SYN3: variants seen among roughly 807,000 people sequenced by gnomAD.
The protein encoded by SYN3 is synapsin III.
A neutral mutation model predicts 65.8 loss-of-function variants in SYN3; 35 were observed. That is an observed-to-expected ratio of 0.53 (90% CI 0.41 to 0.70). The LOEUF is 0.70. Ranked by LOEUF, SYN3 falls within the 30% of genes least tolerant of loss-of-function variation. The probability of loss-of-function intolerance (pLI) is 0.00; values close to 1 mark genes in which losing one functional copy is unlikely to be tolerated. For synonymous variants in SYN3, 270 were observed against 292.9 expected (o/e 0.92, Z 0.80); for missense variants, 680 against 749.0 (o/e 0.91, Z 1.08).
intron 6 of SYN3, among the ~76,000 whole-genome samples, chr22:32,669,919 G>A (rs2147057332): frequency 6.6e-6 from 1 of 152,274 alleles, no homozygotes; most frequent in Non-Finnish European, 1.5e-5. Flanking sequence ...GGCAGGTATA[G>A]CAATACCTGT....
intron 3 of SYN3, among the ~76,000 whole-genome samples, chr22:32,956,163 T>C (rs888947120): frequency 1.5e-5 from 2 of 133,046 alleles, no homozygotes; most frequent in African/African-American, 5.7e-5. Flanking sequence ...ACTAACTTTT[T>C]TTTTTTTTTT....
At position 33,006,821 on chromosome 22, in the gene SYN3, C is replaced by T; in HGVS notation, c.-159G>A. 1.6e-6 allele frequency: 1 copy of T among 621,518 alleles called. No homozygotes were observed. The highest frequency in any genetic ancestry group is 2.7e-6 in the Non-Finnish European group (1 of 372,468). 38.5% of individuals were successfully genotyped at this position (621,518 alleles called of 1,614,324 possible). ...AGTCAGCTTTAGCTGCCTTTATTTA[C>T]CTGCTGGAAATAAGCCAACAAATAC... On this transcript the variant is annotated 5_prime_UTR_variant, in exon 2 of 14. Transcript: ENST00000358763.
intron 6 of SYN3, among the ~76,000 whole-genome samples, chr22:32,782,550 T>C (rs978515107): frequency 2.0e-4 from 28 of 142,586 alleles, no homozygotes; most frequent in African/African-American, 7.3e-4. Flanking sequence ...CAGAGTCTCG[T>C]ACTGTCTCCT....
chr22:32,928,278 C>T (rs2050531988), intron 4 of SYN3, among the ~76,000 whole-genome samples: 1 of 151,826 alleles, frequency 6.6e-6, no homozygotes, highest in South Asian at 2.1e-4. Context: ...TGCAGTGAAC[C>T]GAGATCGCAC....
At chr22:32,556,050 CT>C (rs529953579) in intron 7 of SYN3, among the ~76,000 whole-genome samples, 35 of 152,298 alleles carry the variant, frequency 2.3e-4, no homozygotes, top group African/African-American at 8.2e-4. Context: ...TGCAAAAACC[CT>C]AAAGCAGAGG....
chr22:32,857,452 C>A, intron 6 of SYN3: 2 of 946,792 alleles, frequency 2.1e-6, no homozygotes, highest in Non-Finnish European at 1.7e-6. Flanking sequence ...GTTGACTCAC[C>A]AAATGTCCAG....
At chr22:32,797,694 G>A (rs746508387) in intron 6 of SYN3, among the ~76,000 whole-genome samples, 3 of 152,154 alleles carry the variant, frequency 2.0e-5, no homozygotes, top group Non-Finnish European at 4.4e-5. Context: ...TGATTCTTGG[G>A]GGAGGTAGCA....
chr22:32,544,345 A>T (rs111856995), intron 7 of SYN3, among the ~76,000 whole-genome samples: 1 of 152,176 alleles, frequency 6.6e-6, no homozygotes, highest in Admixed American at 6.5e-5. Context: ...GTGATCAAGG[A>T]TCCACCATTC....
At chr22:32,919,812 G>A (rs1217692773) in intron 4 of SYN3, among the ~76,000 whole-genome samples, 2 of 152,194 alleles carry the variant, frequency 1.3e-5, no homozygotes, top group Non-Finnish European at 1.5e-5. Context: ...GGGCTGATAC[G>A]CTGGGAGGAT....
At chr22:32,808,528 G>A (rs2046826879) in intron 6 of SYN3, among the ~76,000 whole-genome samples, 1 of 152,160 alleles carries the variant, frequency 6.6e-6, no homozygotes, top group Non-Finnish European at 1.5e-5. Flanking sequence ...TGGACTCTTA[G>A]GATAAAGTAT....
At chr22:32,779,467 A>T (rs1240711671) in intron 6 of SYN3, among the ~76,000 whole-genome samples, 1 of 151,098 alleles carries the variant, frequency 6.6e-6, no homozygotes, top group East Asian at 1.9e-4. Flanking sequence ...CTCGAAAAAC[A>T]AAAACAAACA....
At chr22:32,666,105 C>G (rs1224710964) in intron 6 of SYN3, among the ~76,000 whole-genome samples, 1 of 152,146 alleles carries the variant, frequency 6.6e-6, no homozygotes, top group African/African-American at 2.4e-5. Flanking sequence ...AATCCTAAAG[C>G]CTCTACCTTC....
rs753529410 is a variant in SYN3 at position 32,931,465 on chromosome 22, A to C, written c.386T>G (p.Leu129Trp). 1 of 1,613,822 alleles carries C rather than the reference A, an allele frequency of 6.2e-7. No individual in the cohort carries two copies. The highest frequency in any genetic ancestry group is 8.5e-7 in the Non-Finnish European group (1 of 1,179,686). ...CCCGGTCACATAGGCAGCTAGGTTC[A>C]ACTCTGAGAATTCAGCCTGAAGAAT... ...IRVEQAEFSE[L>W]NLAAYVTGGC... The change falls in exon 4 of 14, where the codon TTG (leucine) becomes TGG (tryptophan). Residue 129 changes from leucine to tryptophan, a missense_variant. Physicochemically the swap from Leu to Trp is moderately conservative, Grantham distance 61 (BLOSUM62 -2). Coordinates refer to ENST00000358763, the MANE Select transcript of SYN3 (RefSeq NM_003490.4).
intron 6 of SYN3, among the ~76,000 whole-genome samples, chr22:32,832,556 CA>C (rs2047606393): frequency 8.5e-6 from 1 of 117,522 alleles, no homozygotes; most frequent in Non-Finnish European, 1.8e-5. Context: ...TTTTTTTTTT[CA>C]AAAAAATTAT....
chr22:32,582,023 C>T (rs1166544162), intron 7 of SYN3, among the ~76,000 whole-genome samples: 1 of 152,048 alleles, frequency 6.6e-6, no homozygotes, highest in Non-Finnish European at 1.5e-5. Context: ...TGGTCTTGAA[C>T]TCCTGACCTT....
At chr22:32,999,076 G>A (rs2052981772) in intron 2 of SYN3, among the ~76,000 whole-genome samples, 1 of 152,170 alleles carries the variant, frequency 6.6e-6, no homozygotes, top group Non-Finnish European at 1.5e-5. Flanking sequence ...ATTAGGAAGA[G>A]TAAGAGACAG....
intron 1 of SYN3, among the ~76,000 whole-genome samples, chr22:33,045,668 T>C (rs368215161): frequency 1.0e-3 from 153 of 151,942 alleles, no homozygotes; most frequent in African/African-American, 3.6e-3. Flanking sequence ...TTCACCGTGT[T>C]AGCCAGGATG....
intron 2 of SYN3, among the ~76,000 whole-genome samples, chr22:32,991,096 T>C (rs918401290): frequency 6.6e-6 from 1 of 152,008 alleles, no homozygotes; most frequent in African/African-American, 2.4e-5. Flanking sequence ...GGCAGGAGAA[T>C]TGCTTGAACC....
intron 6 of SYN3, among the ~76,000 whole-genome samples, chr22:32,610,628 G>A (rs184137148): frequency 2.8e-5 from 4 of 144,716 alleles, no homozygotes; most frequent in Admixed American, 2.7e-4. Flanking sequence ...TGTTGCCCAG[G>A]CTGAAGTGCA....
Sources: gnomAD v4.1 joint callset for allele counts (sites outside exome capture counted in the v4.1 genomes callset) on GRCh38, gnomAD v4.1.1 for gene constraint, MANE v1.5 for transcripts, NCBI Gene and HGNC (gene_info 2026-07-23, HGNC 2026-07-21) for gene names.